Variants in TSPAN19 observed in about 807,000 individuals in gnomAD.
TSPAN19 encodes the protein tetraspanin-19.
Under a neutral mutation model 35.1 loss-of-function variants are expected in TSPAN19, and 44 were observed. That is an observed-to-expected ratio of 1.25 (90% CI 0.98 to 1.61). The LOEUF (loss-of-function observed/expected upper bound fraction) is 1.61. TSPAN19 is among the 40% of genes most tolerant of loss of function. The pLI is 0.00. For missense variants in TSPAN19, 290 were observed against 280.0 expected, an observed-to-expected ratio of 1.04 and a Z score of -0.26; for synonymous variants, 79 against 92.0, an observed-to-expected ratio of 0.86 and a Z score of 0.81.
At chr12:85,030,241 A>G (rs1877618413) in intron 1 of TSPAN19, among the ~76,000 whole-genome samples, 2 of 152,162 alleles carry the variant, frequency 1.3e-5, no homozygotes, top group Non-Finnish European at 2.9e-5. Flanking sequence ...AGACATTTGT[A>G]TAACAAGTCA....
intron 1 of TSPAN19, among the ~76,000 whole-genome samples, chr12:85,031,122 C>T (rs772959989): frequency 4.6e-5 from 7 of 152,082 alleles, no homozygotes; most frequent in African/African-American, 1.2e-4. Context: ...CCATCTTCCT[C>T]GTAAAATCTC....
At chr12:85,033,512 T>C (rs1196259303) in intron 1 of TSPAN19, among the ~76,000 whole-genome samples, 2 of 152,072 alleles carry the variant, frequency 1.3e-5, no homozygotes, top group African/African-American at 2.4e-5. Flanking sequence ...ATTGCCAGCA[T>C]TGGGATAACC....
At chr12:85,016,440 A>G (rs2135791429) in intron 7 of TSPAN19, 1 of 152,266 alleles carries the variant, frequency 6.6e-6, no homozygotes, top group East Asian at 1.9e-4. Flanking sequence ...AAAATAGAAC[A>G]ATTATAACAA....
chr12:85,030,674 A>T (rs779223437), intron 1 of TSPAN19, among the ~76,000 whole-genome samples: 1 of 152,144 alleles, frequency 6.6e-6, no homozygotes, highest in African/African-American at 2.4e-5. Flanking sequence ...CTTAATCTAT[A>T]ATTTAGTTTA....
At chr12:85,024,402 T>C (rs1877286033) in intron 4 of TSPAN19, among the ~76,000 whole-genome samples, 1 of 152,186 alleles carries the variant, frequency 6.6e-6, no homozygotes, top group Admixed American at 6.5e-5. Flanking sequence ...TAGGCTTTCC[T>C]GGCTCTATTT....
chr12:85,017,288 A>G, intron 7 of TSPAN19, 168 bp downstream of exon 7: 1 of 604,686 alleles, frequency 1.7e-6, no homozygotes, highest in Non-Finnish European at 2.9e-6. Context: ...TGGAAATGAC[A>G]CTACAATTTA....
chr12:85,032,732 A>G (rs537410593), intron 1 of TSPAN19, among the ~76,000 whole-genome samples: 217 of 151,998 alleles, frequency 1.4e-3, no homozygotes, highest in African/African-American at 3.4e-3. Context: ...AAAGATACAC[A>G]GTAAGTTAAG....
At chr12:85,016,014 G>A (rs768787844) in intron 7 of TSPAN19, 43 bp from the exon 8 acceptor site, 2 of 1,177,246 alleles carry the variant, frequency 1.7e-6, no homozygotes, top group Middle Eastern at 2.1e-4. Flanking sequence ...AGATGGAAAT[G>A]ATCTTATACA....
intron 1 of TSPAN19, among the ~76,000 whole-genome samples, chr12:85,035,849 T>G (rs1403404336): frequency 6.6e-6 from 1 of 152,170 alleles, no homozygotes. Flanking sequence ...AAATAATTTT[T>G]CAAATTTCTC....
chr12:85,016,101 T>C (rs1233362098), intron 7 of TSPAN19, 130 bp from the exon 8 acceptor site: 1 of 538,936 alleles, frequency 1.9e-6, no homozygotes, highest in Non-Finnish European at 3.0e-6. Context: ...AATATCTAAT[T>C]GGCGAACTGG....
chr12:85,019,822 C>A, intron 5 of TSPAN19, 86 bp from the exon 6 acceptor site: 2 of 634,980 alleles, frequency 3.1e-6, no homozygotes, highest in East Asian at 2.8e-5. Flanking sequence ...TCAAGAGTAC[C>A]ATCATGAAAA....
chr12:85,015,844 T>A, intron 8 of TSPAN19, 44 bp downstream of exon 8: 1 of 1,394,364 alleles, frequency 7.2e-7, no homozygotes. Context: ...TCTGTATAGC[T>A]TATACTTAAT....
rs569368161 is a variant in TSPAN19 at position 85,026,272 on chromosome 12, C to A, written c.264+1627G>T. Among the ~76,000 whole-genome samples the A allele has an allele frequency of 2.6e-5, 4 of 151,992 alleles. No homozygotes were observed. The East Asian group carries it at 5.8e-4, about 22-fold the overall frequency. ...AAAAAAATCAAGGTTTTCTTGCAAG[C>A]CATTTCTGTTCTGGTTTTTATATCC... On this transcript the variant is annotated intron_variant, in intron 4 of 8. Coordinates refer to ENST00000532498, the MANE Select transcript of TSPAN19 (RefSeq NM_001100917.2).
At chr12:85,023,110 GCAAA>G (rs1877208394) in intron 5 of TSPAN19, among the ~76,000 whole-genome samples, 1 of 152,068 alleles carries the variant, frequency 6.6e-6, no homozygotes, top group South Asian at 2.1e-4. Flanking sequence ...CTAATCATAT[GCAAA>G]CAGAGTTAAA....
chr12:85,017,561 T>C lies in TSPAN19; in HGVS notation c.489A>G (p.Ile163Met). The change falls in exon 7 of 9, where the codon ATA (isoleucine) becomes ATG (methionine). Residue 163 changes from isoleucine to methionine, a missense_variant. Ile to Met is a conservative substitution (Grantham distance 10). Coordinates refer to ENST00000532498, the MANE Select transcript of TSPAN19 (RefSeq NM_001100917.2). ...CTGAATTTTCTTTGTTCTTATTCTT[T>C]ATCCAGTCTGTGTAATTATGTTGGC... ...CCGQHNYTDWIKNKNKENSGQ... is the reference protein window; with the variant it reads ...CCGQHNYTDWMKNKNKENSGQ... 2 of 1,592,520 alleles carry C rather than the reference T, an allele frequency of 1.3e-6. No homozygotes were observed. Among genetic ancestry groups the C allele is most frequent in the East Asian group, 4.5e-5 (2 of 44,188 alleles).
chr12:85,032,113 A>T (rs1877713713), intron 1 of TSPAN19, among the ~76,000 whole-genome samples: 1 of 152,178 alleles, frequency 6.6e-6, no homozygotes, highest in South Asian at 2.1e-4. Flanking sequence ...AGAAAAATTC[A>T]TAAATTCAAT....
At chr12:85,016,748 C>T (rs1876829413) in intron 7 of TSPAN19, 1 of 151,764 alleles carries the variant, frequency 6.6e-6, no homozygotes, top group African/African-American at 2.4e-5. Flanking sequence ...AATGGTTGAA[C>T]TCTCACAATG....
At chr12:85,030,950 A>C (rs1166061946) in intron 1 of TSPAN19, among the ~76,000 whole-genome samples, 1 of 152,148 alleles carries the variant, frequency 6.6e-6, no homozygotes. Context: ...CGCATGATTG[A>C]CATGATAGAA....
At chr12:85,020,664 C>T (rs1284434800) in intron 5 of TSPAN19, among the ~76,000 whole-genome samples, 1 of 151,978 alleles carries the variant, frequency 6.6e-6, no homozygotes, top group African/African-American at 2.4e-5. Context: ...ATCAGATCCT[C>T]ATTCCAGAGG....
Sources: allele counts gnomAD v4.1 joint callset (sites outside exome capture counted in the v4.1 genomes callset), GRCh38; gene constraint gnomAD v4.1.1; transcripts MANE v1.5; gene names NCBI Gene and HGNC (gene_info 2026-07-23, HGNC 2026-07-21).